PLCB3: variants seen among roughly 807,000 people sequenced by gnomAD.
PLCB3 encodes the protein phospholipase C beta 3.
A neutral mutation model predicts 152.1 loss-of-function variants in PLCB3; 54 were observed. That is an observed-to-expected ratio of 0.36 (90% confidence interval 0.29 to 0.45). The LOEUF (loss-of-function observed/expected upper bound fraction) is 0.45, where lower values mean the gene tolerates loss of function less well. PLCB3 is among the 20% of genes least tolerant of loss of function. PLCB3 has a pLI of 1.00. For missense variants in PLCB3, 1,248 were observed against 1,687.5 expected (o/e 0.74, Z 4.56); for synonymous variants, 717 against 698.7 (o/e 1.03, Z -0.41).
chr11:64,254,293 G>A (rs2031394659), intron 1 of PLCB3, 122 bp from the exon 2 acceptor site: 2 of 784,674 alleles, frequency 2.5e-6, no homozygotes, highest in Non-Finnish European at 4.4e-6. Context: ...CCTGTGGACT[G>A]GATGAGGTTT....
chr11:64,254,504 C>T lies in PLCB3; in HGVS notation c.177+12C>T, dbSNP rs200856834. The T allele has an allele frequency of 5.0e-5, 81 of 1,611,886 alleles. No individual in the cohort carries two copies. In the East Asian group the frequency reaches 8.7e-4, roughly 17 times the overall value. On this transcript the variant is annotated intron_variant, in intron 2 of 30. Transcript: ENST00000279230. ...CGGGCCCCAACATGGTGAGGGTGGG[C>T]GCTGGTGCAGCTCGCTCAGGCCAAG...
rs781151620 is a variant in PLCB3 at position 64,258,881 on chromosome 11, G to A, written c.1254-4G>A. 13 of 1,613,632 alleles carry A rather than the reference G, an allele frequency of 8.1e-6. No individual in the cohort carries two copies. The highest frequency in any genetic ancestry group is 1.3e-5 in the African/African-American group (1 of 74,840). On this transcript the variant is annotated splice_region_variant and splice_polypyrimidine_tract_variant and intron_variant, in intron 11 of 30. Transcript: ENST00000279230. This position sits in a 1 kb window ranked among gnomAD's most constrained non-coding sequence, Gnocchi z 7.2. ...ATCTCTGACCTCTGACCTCGGTTCC[G>A]CAGGGCAAAGCAACAGGCAAAGATG...
chr11:64,257,082 G>A (rs1344611199), intron 10 of PLCB3, among the ~76,000 whole-genome samples: 2 of 144,144 alleles, frequency 1.4e-5, no homozygotes, highest in Non-Finnish European at 3.0e-5. Flanking sequence ...TAGGCTCAGC[G>A]CAACCTCTGC....
intron 22 of PLCB3, 132 bp from the exon 23 acceptor site, chr11:64,264,819 C>A (rs1424837110): frequency 1.3e-6 from 1 of 769,552 alleles, no homozygotes; most frequent in Non-Finnish European, 2.3e-6. Flanking sequence ...CCTCCTGTTA[C>A]AGAGCAGTCC....
intron 25 of PLCB3, 25 bp downstream of exon 25, chr11:64,265,527 CTA>C: frequency 4.4e-6 from 7 of 1,578,774 alleles, no homozygotes; most frequent in Non-Finnish European, 6.0e-6. Context: ...CGCCTGTGTG[CTA>C]TGTGTGCTGG....
intron 10 of PLCB3, 120 bp downstream of exon 10, chr11:64,256,884 T>G: frequency 8.7e-7 from 1 of 1,149,540 alleles, no homozygotes; most frequent in South Asian, 1.5e-5. Flanking sequence ...GTGCTGGGGA[T>G]GCAGGCAGGG....
In PLCB3 at chr11:64,255,639, C is replaced by CGGGGGG; in HGVS notation, c.597+27_597+28insGGGGGG. 1.5e-6 allele frequency: 1 copy of CGGGGGG among 645,454 alleles called. No homozygotes were observed. Among genetic ancestry groups the CGGGGGG allele is most frequent in the Non-Finnish European group, 2.7e-6 (1 of 370,700 alleles). 40.0% of individuals were successfully genotyped at this position (645,454 alleles called of 1,614,324 possible). ...CGGGTGTGTGGGGTGGGGACAGGGG[C>CGGGGGG]GGGGTGGGGTGTCACGGTGGGCACC... On this transcript the variant is annotated intron_variant, in intron 7 of 30. Transcript: ENST00000279230. This position sits in a 1 kb window ranked among gnomAD's most constrained non-coding sequence, Gnocchi z 6.8.
rs1351447574 is a variant in PLCB3 at position 64,264,103 on chromosome 11, GGAGAGT to G, written c.2647_2652del (p.Ser883_Glu884del). On this transcript the variant is annotated inframe_deletion, in exon 22 of 31. Coordinates refer to ENST00000279230, the MANE Select transcript of PLCB3 (RefSeq NM_000932.5). Reference sequence around the variant, plus strand: ...CCCGGCAGCTGGCCGCCCTCATTGGGGAGAGTGAGGTGAGCCGGGGCAGGGCAGGGC... The same window carrying G: ...CCCGGCAGCTGGCCGCCCTCATTGGGGAGGTGAGCCGGGGCAGGGCAGGGC... The G allele has an allele frequency of 2.6e-5, 40 of 1,535,570 alleles. No individual in the cohort carries two copies. The Admixed American group carries it at 8.6e-4, about 33-fold the overall frequency.
chr11:64,266,246 G>A lies in PLCB3; in HGVS notation c.3266+44G>A. ...CTATGGGAAGGGCTGGGGACTTCTA[G>A]TACCAGAAGGAGGGCAGAGTCTGTG... On this transcript the variant is annotated intron_variant, in intron 27 of 30. Coordinates refer to ENST00000279230, the MANE Select transcript of PLCB3 (RefSeq NM_000932.5). This position sits in a 1 kb window ranked among gnomAD's most constrained non-coding sequence, Gnocchi z 4.9. 2 of 1,613,840 alleles carry A rather than the reference G, an allele frequency of 1.2e-6. No homozygotes were observed. The highest frequency in any genetic ancestry group is 8.5e-7 in the Non-Finnish European group (1 of 1,179,902).
chr11:64,268,155 C>T (rs1445486326), downstream of PLCB3, among the ~76,000 whole-genome samples: 3 of 152,152 alleles, frequency 2.0e-5, no homozygotes, highest in East Asian at 1.9e-4. Flanking sequence ...TTCGTCTCTC[C>T]GAGGCTCTCC....
At position 64,258,898 on chromosome 11, in the gene PLCB3, G is replaced by A. The variant is rs769691362; in HGVS notation, c.1267G>A (p.Ala423Thr). 1.2e-6 allele frequency: 2 copies of A among 1,613,872 alleles called. No homozygotes were observed. Among genetic ancestry groups the A allele is most frequent in the African/African-American group, 2.7e-5 (2 of 74,880 alleles). ...TCGGTTCCGCAGGGCAAAGCAACAGGCAAAGATGGCTGAGTACTGCCGCTC... is the reference window on the plus strand; with the variant it reads ...TCGGTTCCGCAGGGCAAAGCAACAGACAAAGATGGCTGAGTACTGCCGCTC... ...ENHVDSAKQQ[A>T]KMAEYCRSIF... The change falls in exon 12 of 31, where the codon GCA (alanine) becomes ACA (threonine). Residue 423 changes from alanine (A) to threonine (T), a missense_variant. Coordinates refer to ENST00000279230, the MANE Select transcript of PLCB3 (RefSeq NM_000932.5). This position sits in a 1 kb window ranked among gnomAD's most constrained non-coding sequence, Gnocchi z 7.2.
Position 64,258,403 on chromosome 11 carries a change from C to T in PLCB3, c.1013-70C>T, listed in dbSNP as rs2031652869. The T allele has an allele frequency of 4.5e-6, 7 of 1,551,566 alleles. No homozygotes were observed. Among genetic ancestry groups the T allele is most frequent in the Non-Finnish European group, 6.1e-6 (7 of 1,148,308 alleles). The stretch of plus-strand genomic sequence containing the variant: ...TCTGCAAATCCAGCATGTCCTGGTT[C>T]CAGGTGGGGCCGGGGTGGTGAGGAG... On this transcript the variant is annotated intron_variant, in intron 10 of 30. Transcript: ENST00000279230. The surrounding 1 kb of genome is among the most constrained non-coding windows in gnomAD (Gnocchi z 7.2).
rs542000709 is a variant in PLCB3, at chr11:64,259,259, G to A, written c.1525+15G>A. On this transcript the variant is annotated intron_variant, in intron 13 of 30. Coordinates refer to ENST00000279230, the MANE Select transcript of PLCB3 (RefSeq NM_000932.5). Reference sequence around the variant, plus strand: ...CCCGCAGCTGGGTAGGCCCCAGCCCGGCCCGCCACCCTGACTTGACCCTAG... The same window carrying A: ...CCCGCAGCTGGGTAGGCCCCAGCCCAGCCCGCCACCCTGACTTGACCCTAG... The A allele has an allele frequency of 2.3e-5, 35 of 1,493,276 alleles. No individual in the cohort carries two copies. The highest frequency in any genetic ancestry group is 6.5e-5 in the Admixed American group (3 of 45,830). 92.5% of individuals were successfully genotyped at this position (1,493,276 alleles called of 1,614,324 possible). A position where few individuals can be genotyped will look rare whatever the true frequency, so the allele number is the denominator to read the frequency against.
At chr11:64,254,572 C>A in intron 2 of PLCB3, 80 bp downstream of exon 2, 2 of 1,448,730 alleles carry the variant, frequency 1.4e-6, no homozygotes, top group Non-Finnish European at 1.9e-6. Flanking sequence ...GGGGTGGGGC[C>A]CGGCTGCAGG....
intron 1 of PLCB3, among the ~76,000 whole-genome samples, chr11:64,253,392 C>G (rs1207405183): frequency 6.6e-6 from 1 of 152,172 alleles, no homozygotes; most frequent in Non-Finnish European, 1.5e-5. Flanking sequence ...GGTTAGGAGG[C>G]CTTTGTGTGC....
intron 10 of PLCB3, 98 bp downstream of exon 10, chr11:64,256,862 A>G: frequency 7.4e-7 from 1 of 1,351,508 alleles, no homozygotes; most frequent in Non-Finnish European, 1.0e-6. Context: ...CCATTTGCTC[A>G]TTCATTGGCC....
rs1043902111 is a variant in PLCB3, at chr11:64,267,041, G to A, written c.3415-144G>A. On this transcript the variant is annotated intron_variant, in intron 29 of 30. Transcript: ENST00000279230. The surrounding 1 kb of genome is among the most constrained non-coding windows in gnomAD (Gnocchi z 5.2). ...ACTCCTGACCTCAGGTGATCCGCCC[G>A]CCTTGGCCTCCCAAAGTGCTGGGAT... The A allele has an allele frequency of 1.3e-5, 9 of 669,920 alleles. No homozygotes were observed. The highest frequency in any genetic ancestry group is 2.7e-5 in the East Asian group (1 of 36,498). The allele number at this position is 669,920 out of a possible 1,614,324, so 41.5% of individuals were successfully genotyped here.
At chr11:64,261,771 C>A in intron 16 of PLCB3, 106 bp downstream of exon 16, 2 of 1,407,082 alleles carry the variant, frequency 1.4e-6, no homozygotes, top group African/African-American at 1.4e-5. Context: ...TGCTGGCCCT[C>A]CGGCGGCCCT....
At position 64,256,368 on chromosome 11, in the gene PLCB3, C is replaced by T. The variant is rs1022036769; in HGVS notation, c.699-8C>T. 3 of 1,612,198 alleles carry T rather than the reference C, an allele frequency of 1.9e-6. No homozygotes were observed. In the Admixed American group the frequency reaches 5.0e-5, roughly 27 times the overall value. Reference sequence around the variant, plus strand: ...CTCCATCCTGACCCAGCTTCCTGTCCCCTCCAGAGGCGCCAAGGGCAAGCC... The same window carrying T: ...CTCCATCCTGACCCAGCTTCCTGTCTCCTCCAGAGGCGCCAAGGGCAAGCC... On this transcript the variant is annotated splice_region_variant and splice_polypyrimidine_tract_variant and intron_variant, in intron 8 of 30. Transcript: ENST00000279230.
Sources: gnomAD v4.1 joint callset for allele counts (sites outside exome capture counted in the v4.1 genomes callset) on GRCh38, gnomAD v4.1.1 for gene constraint, Gnocchi (gnomAD v3.1) non-coding constraint, MANE v1.5 for transcripts, NCBI Gene and HGNC (gene_info 2026-07-23, HGNC 2026-07-21) for gene names.